Variants in BMAL1 observed in about 807,000 individuals in gnomAD.
BMAL1 encodes basic helix-loop-helix ARNT like 1.
the BMAL1 span, among the ~76,000 whole-genome samples, chr11:13,339,341 C>T: frequency 1.3e-5 from 2 of 152,218 alleles, no homozygotes; most frequent in East Asian, 3.9e-4. Flanking sequence ...CTTCTCATCA[C>T]CCCCACACCT....
the BMAL1 span, among the ~76,000 whole-genome samples, chr11:13,368,150 C>T: frequency 6.6e-6 from 1 of 152,160 alleles, no homozygotes. Context: ...TGGGCCTTGC[C>T]TTTGAGGCTC....
At chr11:13,343,664 A>G in the BMAL1 span, among the ~76,000 whole-genome samples, 2 of 152,174 alleles carry the variant, frequency 1.3e-5, no homozygotes, top group Admixed American at 6.5e-5. Flanking sequence ...CATCCCTTTT[A>G]TCATTCAGCA....
the BMAL1 span, among the ~76,000 whole-genome samples, chr11:13,290,832 T>G: frequency 6.6e-6 from 1 of 152,322 alleles, no homozygotes; most frequent in East Asian, 1.9e-4. Flanking sequence ...TGCTATGTTC[T>G]TCTTTCTCTC....
At chr11:13,356,245 G>A in the BMAL1 span, 3 of 457,118 alleles carry the variant, frequency 6.6e-6, no homozygotes, top group Non-Finnish European at 1.3e-5. Flanking sequence ...GCTCTGCTCA[G>A]TACTTTGTTG....
the BMAL1 span, among the ~76,000 whole-genome samples, chr11:13,325,449 T>C: frequency 6.6e-6 from 1 of 152,168 alleles, no homozygotes; most frequent in South Asian, 2.1e-4. Flanking sequence ...CTTTTCTTTT[T>C]TTTTCTTTTT....
chr11:13,301,524 T>C, the BMAL1 span, among the ~76,000 whole-genome samples: 1 of 152,170 alleles, frequency 6.6e-6, no homozygotes, highest in African/African-American at 2.4e-5. Context: ...ACCTCACTGC[T>C]GGGCAGGGTG....
chr11:13,304,358 G>A, the BMAL1 span, among the ~76,000 whole-genome samples: 1 of 152,178 alleles, frequency 6.6e-6, no homozygotes, highest in Non-Finnish European at 1.5e-5. Context: ...ATTGGTAGTG[G>A]GGCATGAGAG....
the BMAL1 span, among the ~76,000 whole-genome samples, chr11:13,334,704 TA>T: frequency 7.9e-4 from 120 of 152,328 alleles, no homozygotes; most frequent in African/African-American, 2.8e-3. Flanking sequence ...CTCCAGCAGT[TA>T]CGGGGGTGGA....
chr11:13,351,116 T>C, the BMAL1 span, among the ~76,000 whole-genome samples: 3 of 152,134 alleles, frequency 2.0e-5, no homozygotes, highest in South Asian at 6.2e-4. Flanking sequence ...AAACATTACG[T>C]AGGTGGCTGG....
the BMAL1 span, among the ~76,000 whole-genome samples, chr11:13,279,148 C>T: frequency 1.3e-3 from 197 of 152,354 alleles, no homozygotes; most frequent in African/African-American, 4.6e-3. Context: ...GGCGCTTTGG[C>T]GCTTGCGGTC....
chr11:13,357,102 C>T, the BMAL1 span: 2 of 1,614,100 alleles, frequency 1.2e-6, no homozygotes, highest in East Asian at 4.5e-5. The surrounding 1 kb of genome is among the most constrained non-coding windows in gnomAD (Gnocchi z 4.8). Context: ...GCAAGGTAAG[C>T]TTGGACCTTA....
the BMAL1 span, among the ~76,000 whole-genome samples, chr11:13,357,847 G>A: frequency 6.6e-6 from 1 of 152,218 alleles, no homozygotes; most frequent in African/African-American, 2.4e-5. The surrounding 1 kb of genome is among the most constrained non-coding windows in gnomAD (Gnocchi z 4.8). Flanking sequence ...TCAGCGGGAG[G>A]AGTGTGACAT....
the BMAL1 span, among the ~76,000 whole-genome samples, chr11:13,331,876 C>A: frequency 2.0e-5 from 3 of 152,094 alleles, no homozygotes; most frequent in African/African-American, 7.2e-5. Context: ...CTAGGGAGGG[C>A]AAACTGTGAA....
the BMAL1 span, among the ~76,000 whole-genome samples, chr11:13,308,651 A>G: frequency 4.6e-5 from 7 of 152,344 alleles, no homozygotes; most frequent in South Asian, 2.1e-4. Context: ...AAGACAGGCC[A>G]AATGCATATG....
At chr11:13,385,829 T>C in the BMAL1 span, 1 of 1,469,508 alleles carries the variant, frequency 6.8e-7, no homozygotes, top group Non-Finnish European at 9.5e-7. Flanking sequence ...TGCAATGAGC[T>C]TGCAAAACAT....
chr11:13,351,996 GA>G, the BMAL1 span, among the ~76,000 whole-genome samples: 32 of 152,332 alleles, frequency 2.1e-4, no homozygotes, highest in African/African-American at 6.7e-4. Flanking sequence ...CACCCAAGTG[GA>G]AATGATTCAG....
At chr11:13,291,541 T>G in the BMAL1 span, among the ~76,000 whole-genome samples, 87 of 152,302 alleles carry the variant, frequency 5.7e-4, no homozygotes, top group African/African-American at 2.0e-3. Flanking sequence ...ACTGGGAAAT[T>G]GCTTAGAGTT....
the BMAL1 span, among the ~76,000 whole-genome samples, chr11:13,295,064 C>G: frequency 6.6e-6 from 1 of 152,238 alleles, no homozygotes; most frequent in Non-Finnish European, 1.5e-5. Flanking sequence ...GGGTGCTGAG[C>G]TGGCCGAGCT....
the BMAL1 span, among the ~76,000 whole-genome samples, chr11:13,373,417 G>T: frequency 6.6e-6 from 1 of 152,182 alleles, no homozygotes; most frequent in South Asian, 2.1e-4. Flanking sequence ...GCAGCTTCTG[G>T]CATTTGGTTG....
Sources: allele counts gnomAD v4.1 joint callset (sites outside exome capture counted in the v4.1 genomes callset), GRCh38; gene constraint gnomAD v4.1.1; non-coding constraint Gnocchi (gnomAD v3.1); transcripts MANE v1.5; gene names NCBI Gene and HGNC (gene_info 2026-07-23, HGNC 2026-07-21).